The following PDZD2 variants were observed in gnomAD, a reference collection of about 807,000 sequenced individuals.
PDZD2 encodes the protein PDZ domain containing 2.
A neutral mutation model predicts 220.7 loss-of-function variants in PDZD2; 90 were observed. The observed-to-expected ratio is 0.41, with a 90% CI of 0.34 to 0.49. The LOEUF (loss-of-function observed/expected upper bound fraction) is 0.49. Among genes scored for constraint, PDZD2 ranks in the 20% least tolerant of loss-of-function variants. PDZD2 has a pLI of 0.28. For missense variants in PDZD2, 3,174 were observed against 3,608.5 expected, an observed-to-expected ratio of 0.88 and a Z score of 3.08; for synonymous variants, 1,375 against 1,450.5, an observed-to-expected ratio of 0.95 and a Z score of 1.18.
At chr5:31,648,393 T>G (rs1188910210) in intron 1 of PDZD2, among the ~76,000 whole-genome samples, 1 of 152,164 alleles carries the variant, frequency 6.6e-6, no homozygotes, top group Non-Finnish European at 1.5e-5. Context: ...TCTCAGTAAA[T>G]GGCACCACCA....
chr5:31,687,461 GT>G (rs1324869449), intron 1 of PDZD2, among the ~76,000 whole-genome samples: 5 of 152,118 alleles, frequency 3.3e-5, no homozygotes, highest in Admixed American at 6.5e-5. Flanking sequence ...CCATATTGAT[GT>G]TATTCAGTTT....
At chr5:32,064,662 T>A (rs990686065) in intron 14 of PDZD2, among the ~76,000 whole-genome samples, 4 of 152,206 alleles carry the variant, frequency 2.6e-5, no homozygotes, top group African/African-American at 9.6e-5. Context: ...GCTTTTCCTT[T>A]CAGCAACTCA....
At chr5:31,772,476 C>T (rs1413786664) in intron 1 of PDZD2, among the ~76,000 whole-genome samples, 1 of 152,226 alleles carries the variant, frequency 6.6e-6, no homozygotes, top group African/African-American at 2.4e-5. Flanking sequence ...ATTGCCCCAT[C>T]CGCGAGTTGC....
At chr5:31,801,117 A>G (rs1242738738) in intron 2 of PDZD2, among the ~76,000 whole-genome samples, 7 of 152,224 alleles carry the variant, frequency 4.6e-5, no homozygotes, top group Non-Finnish European at 1.0e-4. Flanking sequence ...CATTGGGCAC[A>G]TACAACATGG....
chr5:32,003,338 A>ACACACC (rs1752496025), intron 5 of PDZD2, among the ~76,000 whole-genome samples: 1 of 44,692 alleles, frequency 2.2e-5, no homozygotes, highest in African/African-American at 9.7e-5. Flanking sequence ...CCCCCACCAC[A>ACACACC]CCACACACAC....
chr5:31,698,403 G>A (rs1747465501), intron 1 of PDZD2, among the ~76,000 whole-genome samples: 1 of 147,972 alleles, frequency 6.8e-6, no homozygotes, highest in Non-Finnish European at 1.5e-5. Context: ...AGACCATCCT[G>A]GTTAACACGG....
intron 7 of PDZD2, among the ~76,000 whole-genome samples, chr5:32,046,063 A>G (rs925165115): frequency 2.0e-5 from 3 of 152,202 alleles, no homozygotes; most frequent in African/African-American, 7.2e-5. Context: ...ACATATGTAT[A>G]TACATGTACA....
intron 1 of PDZD2, among the ~76,000 whole-genome samples, chr5:31,668,894 A>G (rs1021540845): frequency 6.6e-6 from 1 of 152,218 alleles, no homozygotes; most frequent in African/African-American, 2.4e-5. Flanking sequence ...TAGACAAACC[A>G]AGGCAAGGGA....
At chr5:31,673,198 G>A (rs560687155) in intron 1 of PDZD2, among the ~76,000 whole-genome samples, 46 of 152,294 alleles carry the variant, frequency 3.0e-4, no homozygotes, top group African/African-American at 9.4e-4. Flanking sequence ...AGAGCGACAC[G>A]CTTCCCTCTG....
rs1281092763 is a variant in PDZD2 at position 31,775,684 on chromosome 5, T to TGTGTGTGTGTGA, written c.-360-23194_-360-23193insAGTGTGTGTGTG. Among the ~76,000 whole-genome samples the TGTGTGTGTGTGA allele has an allele frequency of 1.1e-4, 16 of 151,310 alleles. 1 individual carries two copies. The highest frequency in any genetic ancestry group is 1.1e-3 in the South Asian group (5 of 4,740). On this transcript the variant is annotated intron_variant, in intron 1 of 24. Coordinates refer to ENST00000438447, the MANE Select transcript of PDZD2 (RefSeq NM_178140.4). ...CAGAGCGTGTGTGTGTGTGTGTGTG[T>TGTGTGTGTGTGA]GTGTGTGTGTGTGTGTGTGTGTAGT...
At chr5:31,986,076 C>CAAAAAAAAAAAAAAAAAAAAAAA in intron 3 of PDZD2, among the ~76,000 whole-genome samples, 1 of 102,724 alleles carries the variant, frequency 9.7e-6, no homozygotes, top group Non-Finnish European at 1.9e-5. Context: ...ACTCTTGTCT[C>CAAAAAAAAAAAAAAAAAAAAAAA]AAAAAAAAAA....
At chr5:31,984,038 T>C (rs1247347470) in intron 3 of PDZD2, among the ~76,000 whole-genome samples, 1 of 152,228 alleles carries the variant, frequency 6.6e-6, no homozygotes, top group Non-Finnish European at 1.5e-5. Context: ...GTGGAATCGC[T>C]GCTGCAAGGC....
chr5:31,757,649 G>A (rs1366971249), intron 1 of PDZD2, among the ~76,000 whole-genome samples: 1 of 152,084 alleles, frequency 6.6e-6, no homozygotes, highest in Non-Finnish European at 1.5e-5. Flanking sequence ...TGGCTAATTG[G>A]CTGAGGTGAC....
intron 1 of PDZD2, among the ~76,000 whole-genome samples, chr5:31,720,671 G>C (rs1189844671): frequency 6.6e-6 from 1 of 152,186 alleles, no homozygotes; most frequent in East Asian, 1.9e-4. Context: ...ATATGATCTA[G>C]CATGAATTGA....
In PDZD2 at chr5:31,981,255, C is replaced by CT. The variant is rs780929215; in HGVS notation, c.477-1894dup. On this transcript the variant is annotated intron_variant, in intron 2 of 24. Coordinates refer to ENST00000438447, the MANE Select transcript of PDZD2 (RefSeq NM_178140.4). ...TGTTTGAGTCATGAGTACCCCCCAC[C>CT]TTTTTTGTTGTTGTTGTTCACTTTA... 8.5e-5 allele frequency among the ~76,000 whole-genome samples: 13 copies of CT among 152,092 alleles called. No homozygotes were observed. The East Asian group carries it at 9.7e-4, about 11-fold the overall frequency.
chr5:31,800,989 C>A (rs1331140882), intron 2 of PDZD2, among the ~76,000 whole-genome samples: 1 of 152,198 alleles, frequency 6.6e-6, no homozygotes, highest in Non-Finnish European at 1.5e-5. Flanking sequence ...AGCCTCCCAT[C>A]AGTGGAAACC....
At chr5:31,925,710 CA>C in intron 2 of PDZD2, among the ~76,000 whole-genome samples, 1 of 149,014 alleles carries the variant, frequency 6.7e-6, no homozygotes, top group Non-Finnish European at 1.5e-5. Flanking sequence ...ACTCTGTTTC[CA>C]ACAAAGGTCT....
rs374569966 is a variant in PDZD2, at chr5:31,956,880, T to C, written c.477-26275T>C. Among the ~76,000 whole-genome samples, 10 of 151,838 alleles carry C rather than the reference T, an allele frequency of 6.6e-5. No individual in the cohort carries two copies. The East Asian group carries it at 1.5e-3, about 23-fold the overall frequency. ...AGATGACTTTGACATCTCCATTAGG[T>C]TTGCCTTTTATTTTTATTTCTTTTT... On this transcript the variant is annotated intron_variant, in intron 2 of 24. Coordinates refer to ENST00000438447, the MANE Select transcript of PDZD2 (RefSeq NM_178140.4).
At chr5:31,979,255 C>T (rs2111843315) in intron 2 of PDZD2, among the ~76,000 whole-genome samples, 1 of 152,200 alleles carries the variant, frequency 6.6e-6, no homozygotes, top group Non-Finnish European at 1.5e-5. Flanking sequence ...TTTCAGAGGC[C>T]TAAGACAACT....
Sources: gnomAD v4.1 joint callset for allele counts (sites outside exome capture counted in the v4.1 genomes callset) on GRCh38, gnomAD v4.1.1 for gene constraint, MANE v1.5 for transcripts, NCBI Gene and HGNC (gene_info 2026-07-23, HGNC 2026-07-21) for gene names.